CNOT10: variants seen among roughly 807,000 people sequenced by gnomAD.
CNOT10 encodes CCR4-NOT transcription complex subunit 10.
A neutral mutation model predicts 94.6 loss-of-function variants in CNOT10; 30 were observed. The observed-to-expected ratio is 0.32, with a 90% confidence interval of 0.24 to 0.43. CNOT10 has a LOEUF of 0.43. Among genes scored for constraint, CNOT10 ranks in the 20% least tolerant of loss-of-function variants. CNOT10 has a pLI of 1.00. For synonymous variants in CNOT10, 289 were observed against 301.6 expected (o/e 0.96, Z 0.43); for missense variants, 759 against 877.2 (o/e 0.87, Z 1.70).
intron 1 of CNOT10, chr3:32,695,944 A>G (rs987330161): frequency 2.6e-6 from 2 of 760,836 alleles, no homozygotes; most frequent in African/African-American, 3.5e-5. Context: ...ACACAAGGAA[A>G]ATAAAAATAA....
rs1312419512 is a variant in CNOT10 at position 32,713,302 on chromosome 3, T to C, written c.506T>C (p.Leu169Ser). The change falls in exon 5 of 19, where the codon TTG (leucine) becomes TCG (serine). Residue 169 changes from leucine (L) to serine (S), a missense_variant. Leu to Ser is a moderately radical substitution (Grantham distance 145, BLOSUM62 -2). Coordinates refer to ENST00000328834, the MANE Select transcript of CNOT10 (RefSeq NM_015442.3). The stretch of plus-strand genomic sequence containing the variant: ...TTAACCTACCAAGCTGAGAAAGCTT[T>C]GCATCTTCTTGCTGTCCTAGAAAAA... ...YILTYQAEKA[L>S]HLLAVLEKMI... 6 of 1,602,466 alleles carry C rather than the reference T, an allele frequency of 3.7e-6. No individual in the cohort carries two copies. Among genetic ancestry groups the C allele is most frequent in the Non-Finnish European group, 4.2e-6 (5 of 1,176,758 alleles).
intron 1 of CNOT10, chr3:32,695,424 A>C (rs1228315448): frequency 1.5e-6 from 1 of 651,080 alleles, no homozygotes; most frequent in East Asian, 3.3e-5. Context: ...TTTTCTTTGG[A>C]AAAGTTTTCT....
At chr3:32,752,080 G>A (rs1699989703) in intron 13 of CNOT10, among the ~76,000 whole-genome samples, 1 of 151,278 alleles carries the variant, frequency 6.6e-6, no homozygotes, top group East Asian at 1.9e-4. Context: ...CCTGAGGTTG[G>A]GATTTCGGGA....
chr3:32,723,237 C>CA (rs1188074802), intron 8 of CNOT10, among the ~76,000 whole-genome samples: 7 of 151,352 alleles, frequency 4.6e-5, no homozygotes, highest in Non-Finnish European at 1.0e-4. Flanking sequence ...ACTAAAAATA[C>CA]AAAAAATTAG....
chr3:32,713,595 C>A (rs955448163), intron 5 of CNOT10, among the ~76,000 whole-genome samples: 14 of 152,078 alleles, frequency 9.2e-5, no homozygotes, highest in Admixed American at 1.3e-4. Context: ...TTACTACTAT[C>A]TAATTTCAAA....
intron 1 of CNOT10, among the ~76,000 whole-genome samples, chr3:32,700,155 T>C (rs1697269097): frequency 2.0e-5 from 3 of 152,026 alleles, no homozygotes; most frequent in Admixed American, 1.3e-4. Context: ...TTTGTGTTTT[T>C]AGTAGAGATG....
chr3:32,723,567 C>G lies in CNOT10; in HGVS notation c.863-1883C>G, dbSNP rs565599037. 3.9e-5 allele frequency among the ~76,000 whole-genome samples: 6 copies of G among 152,130 alleles called. No homozygotes were observed. In the South Asian group the frequency reaches 1.2e-3, roughly 32 times the overall value. On this transcript the variant is annotated intron_variant, in intron 8 of 18. Transcript: ENST00000328834. ...GGCTTGAGTAAACATTTTCCAAAAT[C>G]TAAGTACCATAGAATTTAGAAAACA... is the stretch of plus-strand genomic sequence containing the variant.
chr3:32,713,206 T>C, intron 4 of CNOT10, 21 bp from the exon 5 acceptor site: 6 of 1,558,902 alleles, frequency 3.8e-6, no homozygotes, highest in Non-Finnish European at 5.2e-6. Flanking sequence ...ACTATTCTTT[T>C]CTGTGTTTTT....
chr3:32,727,585 T>A (rs1698735668), intron 9 of CNOT10, 83 bp from the exon 10 acceptor site: 1 of 890,508 alleles, frequency 1.1e-6, no homozygotes, highest in Non-Finnish European at 1.8e-6. Context: ...TGGTAGTGTC[T>A]AAGTACTTAA....
intron 6 of CNOT10, among the ~76,000 whole-genome samples, chr3:32,716,909 A>G (rs543607311): frequency 6.6e-6 from 1 of 152,296 alleles, no homozygotes; most frequent in South Asian, 2.1e-4. Context: ...CTCGGCCTCC[A>G]AAGTACTGGG....
At chr3:32,728,867 G>A (rs1036477037) in intron 10 of CNOT10, among the ~76,000 whole-genome samples, 18 of 152,200 alleles carry the variant, frequency 1.2e-4, no homozygotes, top group African/African-American at 4.1e-4. Flanking sequence ...TTGGGAGGCC[G>A]AGGCGGGTGG....
In CNOT10 at chr3:32,727,881, C is replaced by G. The variant is rs747916351; in HGVS notation, c.1215+11C>G. On this transcript the variant is annotated intron_variant, in intron 10 of 18. Coordinates refer to ENST00000328834, the MANE Select transcript of CNOT10 (RefSeq NM_015442.3). ...GCTGCCAATAAGGGGGTGAGTGCTA[C>G]TTGGGTATCTTTTTAAACCCTGTCT... is the stretch of plus-strand genomic sequence containing the variant. 6.2e-7 allele frequency: 1 copy of G among 1,600,004 alleles called. No homozygotes were observed. Among genetic ancestry groups the G allele is most frequent in the Non-Finnish European group, 8.5e-7 (1 of 1,174,098 alleles).
intron 13 of CNOT10, among the ~76,000 whole-genome samples, chr3:32,748,882 G>A (rs1028904851): frequency 7.3e-5 from 11 of 151,522 alleles, no homozygotes; most frequent in Admixed American, 2.0e-4. Context: ...CCAGGCTGGA[G>A]TGCAGTGGCA....
intron 1 of CNOT10, among the ~76,000 whole-genome samples, chr3:32,697,041 T>A (rs764603292): frequency 3.3e-5 from 5 of 151,216 alleles, no homozygotes; most frequent in Non-Finnish European, 5.9e-5. Context: ...GCCTCTGCCT[T>A]CCGGGTTCCA....
chr3:32,747,896 C>T (rs373917901), intron 13 of CNOT10, among the ~76,000 whole-genome samples: 193 of 151,988 alleles, frequency 1.3e-3, no homozygotes, highest in African/African-American at 4.2e-3. Context: ...TGCAGTGAAC[C>T]GAGATTGTGC....
intron 18 of CNOT10, among the ~76,000 whole-genome samples, chr3:32,772,235 A>G (rs1700939217): frequency 6.6e-6 from 1 of 152,236 alleles, no homozygotes; most frequent in Admixed American, 6.5e-5. Context: ...TTGTAGTTCC[A>G]GCTACTCAGC....
At chr3:32,758,222 A>G (rs1351227305) in intron 13 of CNOT10, among the ~76,000 whole-genome samples, 1 of 152,212 alleles carries the variant, frequency 6.6e-6, no homozygotes, top group African/African-American at 2.4e-5. Context: ...ACAAGGAACC[A>G]CACTAGACAG....
intron 13 of CNOT10, among the ~76,000 whole-genome samples, chr3:32,745,751 C>T (rs770059823): frequency 7.9e-5 from 12 of 152,198 alleles, no homozygotes; most frequent in Non-Finnish European, 1.2e-4. Context: ...GTAATCCCGA[C>T]GCTTTGGGAG....
chr3:32,733,889 T>TA (rs1229762220), intron 11 of CNOT10, among the ~76,000 whole-genome samples: 1 of 152,194 alleles, frequency 6.6e-6, no homozygotes, highest in East Asian at 1.9e-4. Context: ...GGTATTTTCT[T>TA]ATAGTCCCTA....
Sources: gnomAD v4.1 joint callset for allele counts (sites outside exome capture counted in the v4.1 genomes callset) on GRCh38, gnomAD v4.1.1 for gene constraint, MANE v1.5 for transcripts, NCBI Gene and HGNC (gene_info 2026-07-23, HGNC 2026-07-21) for gene names.